Variants in THADA observed in about 807,000 individuals in gnomAD.
THADA encodes the protein THADA armadillo repeat containing, also known as tRNA (32-2'-O)-methyltransferase regulator THADA.
Under a neutral mutation model 219.8 loss-of-function variants are expected in THADA, and 213 were observed. That is an observed-to-expected ratio of 0.97 (90% CI 0.87 to 1.09). THADA has a LOEUF of 1.09. Among genes scored for constraint, THADA ranks in the 50% least tolerant of loss-of-function variants. The pLI, the probability that THADA is intolerant of heterozygous loss-of-function variation, is 0.00. For synonymous variants in THADA, 1,018 were observed against 828.9 expected, an observed-to-expected ratio of 1.23 and a Z score of -3.92; for missense variants, 2,956 against 2,311.3, an observed-to-expected ratio of 1.28 and a Z score of -5.72.
intron 31 of THADA, among the ~76,000 whole-genome samples, chr2:43,294,395 G>C (rs529714133): frequency 1.3e-5 from 2 of 152,316 alleles, no homozygotes; most frequent in South Asian, 4.1e-4. Flanking sequence ...CAATGTGTTA[G>C]CACCACCAAA....
chr2:43,353,534 TG>T (rs1365415467), intron 29 of THADA, among the ~76,000 whole-genome samples: 19 of 152,382 alleles, frequency 1.2e-4, no homozygotes, highest in African/African-American at 4.3e-4. Context: ...ATTTTTAAAT[TG>T]GGTTATATAT....
chr2:43,446,790 A>C (rs947475563), intron 26 of THADA, among the ~76,000 whole-genome samples: 1 of 152,240 alleles, frequency 6.6e-6, no homozygotes, highest in Non-Finnish European at 1.5e-5. Context: ...GCTGATAACA[A>C]GGAGCACACG....
intron 29 of THADA, among the ~76,000 whole-genome samples, chr2:43,378,267 A>G (rs1671611842): frequency 6.6e-6 from 1 of 152,234 alleles, no homozygotes; most frequent in African/African-American, 2.4e-5. Context: ...CTGAAAATGG[A>G]ATCAGTGAAC....
At chr2:43,469,634 A>T (rs1453195545) in intron 26 of THADA, among the ~76,000 whole-genome samples, 1 of 152,202 alleles carries the variant, frequency 6.6e-6, no homozygotes, top group Non-Finnish European at 1.5e-5. Flanking sequence ...TATATTCTTT[A>T]ACCCAGCATT....
At chr2:43,319,941 G>A (rs1678498989) in intron 31 of THADA, among the ~76,000 whole-genome samples, 1 of 152,320 alleles carries the variant, frequency 6.6e-6, no homozygotes, top group African/African-American at 2.4e-5. Context: ...GCAACTGTAT[G>A]TGGATCTGGG....
intron 31 of THADA, among the ~76,000 whole-genome samples, chr2:43,316,499 G>A (rs1558568981): frequency 1.3e-5 from 2 of 152,224 alleles, no homozygotes; most frequent in East Asian, 1.9e-4. Flanking sequence ...TTATACTGCA[G>A]TGTTTTCCTA....
chr2:43,540,834 T>G (rs1363536539), intron 21 of THADA, among the ~76,000 whole-genome samples: 3 of 152,188 alleles, frequency 2.0e-5, no homozygotes, highest in African/African-American at 7.2e-5. Context: ...TTGTGGAGTT[T>G]TACTAAATAA....
At chr2:43,458,783 T>C (rs1683301157) in intron 26 of THADA, among the ~76,000 whole-genome samples, 1 of 152,160 alleles carries the variant, frequency 6.6e-6, no homozygotes, top group Non-Finnish European at 1.5e-5. Context: ...TATTTAAATA[T>C]CTAATATTAA....
intron 28 of THADA, among the ~76,000 whole-genome samples, chr2:43,405,042 C>T (rs1675364026): frequency 1.3e-5 from 2 of 152,220 alleles, no homozygotes; most frequent in African/African-American, 2.4e-5. Context: ...CTGTACCAAA[C>T]AGGCTCCAAG....
chr2:43,575,016 G>C lies in THADA; in HGVS notation c.1049C>G (p.Pro350Arg). 6.2e-7 allele frequency: 1 copy of C among 1,608,892 alleles called. No individual in the cohort carries two copies. Among genetic ancestry groups the C allele is most frequent in the Non-Finnish European group, 8.5e-7 (1 of 1,177,598 alleles). Reference protein sequence around the residue: ...LFTLSSQIKEPTLEMFLSRIL... With the variant: ...LFTLSSQIKERTLEMFLSRIL... ...TCTAGACAGAAACATTTCCAGCGTT[G>C]GCTCTTTAATCCTGAAGAAAAATGA... The change falls in exon 11 of 38, where the codon CCA becomes CGA. Residue 350 changes from proline to arginine, a missense_variant. Coordinates refer to ENST00000405975, the MANE Select transcript of THADA (RefSeq NM_022065.5).
chr2:43,386,897 C>CAAAAA (rs548365391), intron 29 of THADA, among the ~76,000 whole-genome samples: 11,260 of 96,692 alleles, frequency 0.12, 504 homozygotes, highest in Middle Eastern at 0.17. Flanking sequence ...GATTTCCTCT[C>CAAAAA]AAAAAAAAAA....
intron 29 of THADA, among the ~76,000 whole-genome samples, chr2:43,393,690 A>G (rs1573435145): frequency 6.6e-6 from 1 of 150,912 alleles, no homozygotes; most frequent in East Asian, 1.9e-4. Context: ...CCTAGGCAAC[A>G]GAGCGAGACT....
intron 26 of THADA, among the ~76,000 whole-genome samples, chr2:43,446,102 C>A (rs1432573197): frequency 6.6e-6 from 1 of 152,198 alleles, no homozygotes; most frequent in Non-Finnish European, 1.5e-5. Flanking sequence ...CCCATTTGGG[C>A]AGCTTACATG....
intron 36 of THADA, among the ~76,000 whole-genome samples, 156 bp downstream of exon 36, chr2:43,279,609 T>C (rs1234293843): frequency 6.6e-6 from 1 of 152,264 alleles, no homozygotes. Context: ...CCCATTTGTT[T>C]ACCTACTGTT....
intron 30 of THADA, among the ~76,000 whole-genome samples, chr2:43,334,213 A>T (rs552792109): frequency 1.3e-5 from 2 of 152,148 alleles, no homozygotes; most frequent in South Asian, 4.2e-4. Flanking sequence ...GGGAGTATGG[A>T]TAGGGGGTGA....
chr2:43,357,943 C>G (rs544864509), intron 29 of THADA, among the ~76,000 whole-genome samples: 6 of 152,062 alleles, frequency 3.9e-5, no homozygotes, highest in Admixed American at 2.0e-4. Context: ...TAGCAAATTG[C>G]AAAAACAGCA....
chr2:43,273,387 C>G (rs1284434859), intron 36 of THADA, among the ~76,000 whole-genome samples: 2 of 152,042 alleles, frequency 1.3e-5, no homozygotes, highest in Non-Finnish European at 2.9e-5. Flanking sequence ...TAAAGTGATT[C>G]TTAACTTTTT....
intron 14 of THADA, among the ~76,000 whole-genome samples, chr2:43,569,123 C>T (rs767242429): frequency 6.6e-6 from 1 of 152,010 alleles, no homozygotes; most frequent in Non-Finnish European, 1.5e-5. Flanking sequence ...AGGTGCACAC[C>T]ACCACGCCCG....
At chr2:43,476,052 T>C (rs563712043) in intron 26 of THADA, among the ~76,000 whole-genome samples, 66 of 152,328 alleles carry the variant, frequency 4.3e-4, no homozygotes, top group Middle Eastern at 6.8e-3. Flanking sequence ...AGTAGTCACG[T>C]GCTTCGGGGA....
Sources: gnomAD v4.1 joint callset for allele counts (sites outside exome capture counted in the v4.1 genomes callset) on GRCh38, gnomAD v4.1.1 for gene constraint, MANE v1.5 for transcripts, NCBI Gene and HGNC (gene_info 2026-07-23, HGNC 2026-07-21) for gene names.